CNTNAP5: variants seen among roughly 807,000 people sequenced by gnomAD.
CNTNAP5 encodes the protein contactin associated protein family member 5, also known as contactin-associated protein-like 5.
CNTNAP5 carries 72 observed loss-of-function variants against 150.2 expected under a neutral mutation model. The observed-to-expected ratio is 0.48, with a 90% CI of 0.40 to 0.58. The LOEUF is 0.58. Among genes scored for constraint, CNTNAP5 ranks in the 20% least tolerant of loss-of-function variants. The probability of loss-of-function intolerance (pLI) is 0.00; values close to 1 mark genes in which losing one functional copy is unlikely to be tolerated. For missense variants in CNTNAP5, 1,636 were observed against 1,626.2 expected, an observed-to-expected ratio of 1.01 and a Z score of -0.10; for synonymous variants, 672 against 619.8, an observed-to-expected ratio of 1.08 and a Z score of -1.25.
At chr2:124,735,743 G>C (rs1232925762) in intron 13 of CNTNAP5, among the ~76,000 whole-genome samples, 1 of 152,124 alleles carries the variant, frequency 6.6e-6, no homozygotes, top group Non-Finnish European at 1.5e-5. Context: ...TATTTTCTGT[G>C]TGATTTTGGG....
chr2:124,134,784 T>G (rs4297886), intron 1 of CNTNAP5, among the ~76,000 whole-genome samples: 1 of 152,168 alleles, frequency 6.6e-6, no homozygotes, highest in Non-Finnish European at 1.5e-5. Context: ...TTCTGACCTG[T>G]CCATTCCCCA....
At position 124,538,867 on chromosome 2, in the gene CNTNAP5, C is replaced by T. The variant is rs539348847; in HGVS notation, c.1649+11411C>T. On this transcript the variant is annotated intron_variant, in intron 10 of 23. Transcript: ENST00000682447. The stretch of plus-strand genomic sequence containing the variant: ...CTTGGTATTGATTCCTTTACATGAT[C>T]GATATCTCAATAAGCCTTCATCCAA... Among the ~76,000 whole-genome samples the T allele has an allele frequency of 7.4e-4, 112 of 152,258 alleles. 1 individual carries two copies. The highest frequency in any genetic ancestry group is 2.2e-3 in the Admixed American group (33 of 15,290).
chr2:124,603,041 A>G (rs1558700417), intron 11 of CNTNAP5, among the ~76,000 whole-genome samples: 1 of 101,642 alleles, frequency 9.8e-6, no homozygotes, highest in Admixed American at 1.5e-4. Flanking sequence ...TTTCCTTCCT[A>G]CCTTCCTTCC....
At chr2:124,695,151 C>T (rs1260683610) in intron 13 of CNTNAP5, among the ~76,000 whole-genome samples, 1 of 152,066 alleles carries the variant, frequency 6.6e-6, no homozygotes, top group African/African-American at 2.4e-5. Context: ...TGTATAATAA[C>T]AGTGTATAGT....
At chr2:124,808,990 C>G (rs1310754703) in intron 19 of CNTNAP5, among the ~76,000 whole-genome samples, 1 of 148,448 alleles carries the variant, frequency 6.7e-6, no homozygotes, top group South Asian at 2.1e-4. Context: ...TTTTTTTTTT[C>G]TCTATACTGG....
intron 12 of CNTNAP5, among the ~76,000 whole-genome samples, chr2:124,618,847 C>T (rs1452057297): frequency 6.6e-6 from 1 of 151,900 alleles, no homozygotes; most frequent in African/African-American, 2.4e-5. Flanking sequence ...ACAAACCATC[C>T]AAATAAATGA....
intron 1 of CNTNAP5, among the ~76,000 whole-genome samples, chr2:124,052,275 T>C (rs1681716268): frequency 6.6e-6 from 1 of 152,216 alleles, no homozygotes; most frequent in South Asian, 2.1e-4. Flanking sequence ...AAGTCTTTAC[T>C]TCAAGCTAGT....
At chr2:124,644,840 C>G (rs560998740) in intron 12 of CNTNAP5, among the ~76,000 whole-genome samples, 8 of 152,156 alleles carry the variant, frequency 5.3e-5, no homozygotes, top group African/African-American at 1.9e-4. Flanking sequence ...TCTCCTGTCC[C>G]TCGTACAGTG....
intron 6 of CNTNAP5, among the ~76,000 whole-genome samples, chr2:124,448,543 T>C (rs1313624961): frequency 6.6e-6 from 1 of 151,730 alleles, no homozygotes; most frequent in Non-Finnish European, 1.5e-5. Context: ...GAAATACTTA[T>C]ACCACAGAGG....
intron 22 of CNTNAP5, among the ~76,000 whole-genome samples, chr2:124,908,953 G>C (rs1440225691): frequency 6.6e-6 from 1 of 152,050 alleles, no homozygotes; most frequent in African/African-American, 2.4e-5. Context: ...TGTTTTAAGT[G>C]TTATGACAAA....
intron 22 of CNTNAP5, 88 bp from the exon 23 acceptor site, chr2:124,911,379 G>A (rs1270335279): frequency 1.1e-6 from 1 of 887,280 alleles, no homozygotes; most frequent in Non-Finnish European, 1.8e-6. Context: ...GTAATGCACA[G>A]GTGTGTCATT....
At chr2:124,580,717 C>A (rs1001637131) in intron 11 of CNTNAP5, among the ~76,000 whole-genome samples, 2 of 152,206 alleles carry the variant, frequency 1.3e-5, no homozygotes, top group African/African-American at 4.8e-5. Flanking sequence ...CCATCCCCAT[C>A]TCTCAATATC....
intron 1 of CNTNAP5, among the ~76,000 whole-genome samples, chr2:124,114,115 C>T (rs1283659686): frequency 6.6e-6 from 1 of 151,946 alleles, no homozygotes; most frequent in Non-Finnish European, 1.5e-5. Flanking sequence ...ATTTTTTATA[C>T]AACTCTTAGA....
rs149616795 is a variant in CNTNAP5 at position 124,783,755 on chromosome 2, C to T, written c.2753-6147C>T. On this transcript the variant is annotated intron_variant, in intron 17 of 23. Transcript: ENST00000682447. ...AAGGTTTGATATTAAATAAATTCTTCGTTCTGATCACTATTATTATTTTAC... is the reference window on the plus strand; with the variant it reads ...AAGGTTTGATATTAAATAAATTCTTTGTTCTGATCACTATTATTATTTTAC... 8.0e-4 allele frequency among the ~76,000 whole-genome samples: 122 copies of T among 152,182 alleles called. 2 individuals are homozygous for T. The East Asian group carries it at 0.015, about 18-fold the overall frequency.
At chr2:124,464,851 A>T (rs1260582351) in intron 6 of CNTNAP5, among the ~76,000 whole-genome samples, 1 of 152,168 alleles carries the variant, frequency 6.6e-6, no homozygotes, top group African/African-American at 2.4e-5. Context: ...GTACCTCAGC[A>T]AACACCCAGC....
chr2:124,873,744 C>A (rs1677797985), intron 21 of CNTNAP5, among the ~76,000 whole-genome samples: 1 of 152,014 alleles, frequency 6.6e-6, no homozygotes, highest in Non-Finnish European at 1.5e-5. Context: ...TGCAACTGAA[C>A]TTCACAATTT....
At chr2:124,071,970 C>CA (rs2104665255) in intron 1 of CNTNAP5, among the ~76,000 whole-genome samples, 1 of 151,986 alleles carries the variant, frequency 6.6e-6, no homozygotes, top group Non-Finnish European at 1.5e-5. Context: ...AATATTGATG[C>CA]AAAAACTCTC....
At chr2:124,438,530 C>A (rs1334427752) in intron 5 of CNTNAP5, among the ~76,000 whole-genome samples, 4 of 152,280 alleles carry the variant, frequency 2.6e-5, no homozygotes, top group African/African-American at 9.6e-5. Flanking sequence ...AAGTGAGACT[C>A]AAGTGAGACT....
intron 11 of CNTNAP5, among the ~76,000 whole-genome samples, chr2:124,581,790 G>A (rs561662204): frequency 9.9e-5 from 15 of 152,262 alleles, no homozygotes; most frequent in Admixed American, 8.5e-4. Context: ...AGCCTGCTGA[G>A]GAAAGAAATC....
Sources: allele counts gnomAD v4.1 joint callset (sites outside exome capture counted in the v4.1 genomes callset), GRCh38; gene constraint gnomAD v4.1.1; transcripts MANE v1.5; gene names NCBI Gene and HGNC (gene_info 2026-07-23, HGNC 2026-07-21).